The following AGBL4 variants were observed in gnomAD, a reference collection of about 807,000 sequenced individuals.
The protein encoded by AGBL4 is AGBL carboxypeptidase 4, also known as cytosolic carboxypeptidase 6.
In AGBL4, 58 loss-of-function variants were observed where a neutral mutation model predicts 66.4. The ratio of observed to expected loss-of-function variants is 0.87; its 90% CI spans 0.71 to 1.09. The LOEUF is 1.09. Among genes scored for constraint, AGBL4 ranks in the 50% least tolerant of loss-of-function variants. The pLI, the probability that AGBL4 is intolerant of heterozygous loss-of-function variation, is 0.00. For missense variants in AGBL4, 579 were observed against 631.0 expected (o/e 0.92, Z 0.88); for synonymous variants, 234 against 222.9 (o/e 1.05, Z -0.44).
chr1:49,447,537 A>G (rs1646186768), intron 3 of AGBL4, among the ~76,000 whole-genome samples: 1 of 152,114 alleles, frequency 6.6e-6, no homozygotes, highest in Non-Finnish European at 1.5e-5. Flanking sequence ...TGCCACAGAC[A>G]CTTAGTTCTC....
chr1:49,384,536 T>C (rs1453217973), intron 3 of AGBL4, among the ~76,000 whole-genome samples: 4 of 152,038 alleles, frequency 2.6e-5, no homozygotes, highest in African/African-American at 9.7e-5. Flanking sequence ...GAGGTTGCAG[T>C]GAGTCAAGAT....
intron 6 of AGBL4, among the ~76,000 whole-genome samples, chr1:48,735,917 AC>A (rs1356785575): frequency 6.6e-6 from 1 of 151,904 alleles, no homozygotes; most frequent in African/African-American, 2.4e-5. Context: ...CAGTTCAGTG[AC>A]CCCCGTCCCC....
intron 6 of AGBL4, among the ~76,000 whole-genome samples, chr1:48,846,362 GAAGAAAGA>G (rs72459142): frequency 0.077 from 9,090 of 118,576 alleles, 376 homozygotes; most frequent in East Asian, 0.15. Flanking sequence ...GAGAAAGAAA[GAAGAAAGA>G]AAGAAAGAAA....
At chr1:49,367,005 C>T (rs1644252989) in intron 3 of AGBL4, among the ~76,000 whole-genome samples, 1 of 152,184 alleles carries the variant, frequency 6.6e-6, no homozygotes, top group Admixed American at 6.6e-5. Flanking sequence ...TTATACCTTT[C>T]TGAATGCTAG....
intron 2 of AGBL4, among the ~76,000 whole-genome samples, chr1:49,847,787 C>T (rs1646191172): frequency 6.6e-6 from 1 of 151,918 alleles, no homozygotes; most frequent in African/African-American, 2.4e-5. Flanking sequence ...CTGCAGGCTC[C>T]ACCCGCCAGG....
At chr1:49,023,173 G>C (rs1663376776) in intron 5 of AGBL4, among the ~76,000 whole-genome samples, 1 of 152,158 alleles carries the variant, frequency 6.6e-6, no homozygotes, top group African/African-American at 2.4e-5. Context: ...AAGGGCTCAG[G>C]CCATCTTGGG....
At chr1:49,967,697 C>T (rs905126887) in intron 1 of AGBL4, among the ~76,000 whole-genome samples, 2 of 152,104 alleles carry the variant, frequency 1.3e-5, no homozygotes, top group African/African-American at 4.8e-5. Flanking sequence ...ATTTATACTA[C>T]AGCCAGAAAT....
intron 3 of AGBL4, among the ~76,000 whole-genome samples, chr1:49,628,959 T>C (rs953602761): frequency 1.3e-5 from 2 of 152,170 alleles, no homozygotes; most frequent in African/African-American, 4.8e-5. Context: ...AATGATTTTA[T>C]TGAGTTTGTC....
chr1:49,412,774 A>C (rs1419521257), intron 3 of AGBL4, among the ~76,000 whole-genome samples: 1 of 152,220 alleles, frequency 6.6e-6, no homozygotes, highest in Non-Finnish European at 1.5e-5. Context: ...AAGAGTATAA[A>C]TGAGAAGAGT....
intron 3 of AGBL4, 106 bp downstream of exon 3, chr1:49,697,207 C>T: frequency 1.6e-6 from 2 of 1,273,186 alleles, no homozygotes; most frequent in Non-Finnish European, 2.1e-6. Flanking sequence ...TGTGGATAAA[C>T]AAGAATATAT....
intron 3 of AGBL4, among the ~76,000 whole-genome samples, chr1:49,481,436 T>A (rs1202687763): frequency 6.6e-6 from 1 of 152,048 alleles, no homozygotes; most frequent in Non-Finnish European, 1.5e-5. Context: ...TTGACTGTTT[T>A]TAGCATATAA....
intron 3 of AGBL4, among the ~76,000 whole-genome samples, chr1:49,624,593 G>A (rs1372860687): frequency 6.6e-6 from 1 of 152,142 alleles, no homozygotes; most frequent in Non-Finnish European, 1.5e-5. Context: ...ATTGGAAGGT[G>A]TGCCCTTCAC....
At chr1:49,635,175 C>T (rs1184501170) in intron 3 of AGBL4, among the ~76,000 whole-genome samples, 4 of 152,160 alleles carry the variant, frequency 2.6e-5, no homozygotes, top group Admixed American at 6.6e-5. Context: ...CCCTACGTGG[C>T]ATTTGCTGAG....
chr1:49,639,940 G>A (rs1322366567), intron 3 of AGBL4, among the ~76,000 whole-genome samples: 2 of 152,214 alleles, frequency 1.3e-5, no homozygotes, highest in East Asian at 1.9e-4. Context: ...AAGTACTTAC[G>A]TATGAAACAC....
At chr1:49,223,671 C>T (rs756036649) in intron 4 of AGBL4, among the ~76,000 whole-genome samples, 18 of 152,134 alleles carry the variant, frequency 1.2e-4, no homozygotes, top group Non-Finnish European at 2.2e-4. Context: ...TCCTGTATGA[C>T]GGCTCAGGTT....
At chr1:48,720,243 G>A (rs562946778) in intron 6 of AGBL4, among the ~76,000 whole-genome samples, 2 of 152,306 alleles carry the variant, frequency 1.3e-5, no homozygotes, top group African/African-American at 4.8e-5. Flanking sequence ...GCTTGATGAG[G>A]CTCTACCAGA....
chr1:49,750,112 A>T (rs1482125063), intron 2 of AGBL4, among the ~76,000 whole-genome samples: 2 of 152,162 alleles, frequency 1.3e-5, no homozygotes, highest in Non-Finnish European at 2.9e-5. Flanking sequence ...ATATACAAAA[A>T]TTACCTCAAG....
chr1:49,079,564 C>T (rs776625619), intron 4 of AGBL4, among the ~76,000 whole-genome samples: 4 of 152,094 alleles, frequency 2.6e-5, no homozygotes, highest in African/African-American at 4.8e-5. Flanking sequence ...TCTCTTGACA[C>T]GTGGGGATTA....
At chr1:48,763,997 C>T (rs572302620) in intron 6 of AGBL4, among the ~76,000 whole-genome samples, 1 of 152,278 alleles carries the variant, frequency 6.6e-6, no homozygotes, top group Admixed American at 6.5e-5. Context: ...GCCTTCTATG[C>T]CTCGACTTAA....
Sources: allele counts gnomAD v4.1 joint callset (sites outside exome capture counted in the v4.1 genomes callset), GRCh38; gene constraint gnomAD v4.1.1; transcripts MANE v1.5; gene names NCBI Gene and HGNC (gene_info 2026-07-23, HGNC 2026-07-21).